SNX5: variants seen among roughly 807,000 people sequenced by gnomAD.
The protein encoded by SNX5 is sorting nexin-5.
In SNX5, 31 loss-of-function variants were observed where a neutral mutation model predicts 53.9. That is an observed-to-expected ratio of 0.58 (90% CI 0.43 to 0.78). The LOEUF (loss-of-function observed/expected upper bound fraction) is 0.78, where lower values mean the gene tolerates loss of function less well. SNX5 is among the 30% of genes least tolerant of loss of function. The pLI is 0.00. For missense variants in SNX5, 471 were observed against 478.8 expected (o/e 0.98, Z 0.15); for synonymous variants, 168 against 171.1 (o/e 0.98, Z 0.14).
chr20:17,947,678 G>A lies in SNX5; in HGVS notation c.919-33C>T, dbSNP rs780997976. 1.9e-6 allele frequency: 3 copies of A among 1,588,288 alleles called. No homozygotes were observed. The South Asian group carries it at 3.4e-5, about 18-fold the overall frequency. On this transcript the variant is annotated intron_variant, in intron 10 of 12. Coordinates refer to ENST00000377759, the MANE Select transcript of SNX5 (RefSeq NM_014426.4). ...AAAAATTAACAGGTATACATACTAAGTATCTAAACCAGTCTAAAAAATAGC... is the reference window on the plus strand; with the variant it reads ...AAAAATTAACAGGTATACATACTAAATATCTAAACCAGTCTAAAAAATAGC...
chr20:17,943,006 C>A, intron 12 of SNX5, 104 bp downstream of exon 12: 1 of 770,186 alleles, frequency 1.3e-6, no homozygotes, highest in East Asian at 2.5e-5. Flanking sequence ...ACGATTAATA[C>A]CACAAGGCCA....
In SNX5 at chr20:17,953,266, G is replaced by A. The variant is rs146171406; in HGVS notation, c.390-556C>T. 1.5e-3 allele frequency among the ~76,000 whole-genome samples: 236 copies of A among 152,308 alleles called. 1 individual carries two copies. The highest frequency in any genetic ancestry group is 5.3e-3 in the African/African-American group (219 of 41,580). The stretch of plus-strand genomic sequence containing the variant: ...GAGTGCTGCCCTAGATGACACAGGG[G>A]TTTGGAGAGGGGGAGCTGATGGTTG... On this transcript the variant is annotated intron_variant, in intron 4 of 12. Transcript: ENST00000377759.
rs1198898657 is a variant in SNX5 at position 17,947,650 on chromosome 20, GA to G, written c.919-6del. 1.1e-5 allele frequency: 17 copies of G among 1,603,176 alleles called. No individual in the cohort carries two copies. The highest frequency in any genetic ancestry group is 2.2e-5 in the East Asian group (1 of 44,736). On this transcript the variant is annotated splice_polypyrimidine_tract_variant and splice_region_variant and intron_variant, in intron 10 of 12. Transcript: ENST00000377759. Reference sequence around the variant, plus strand: ...GGTGCGTCTGTATAAGAGATCCTGGGAAAAAAATTAACAGGTATACATACTA... The same window carrying G: ...GGTGCGTCTGTATAAGAGATCCTGGGAAAAAATTAACAGGTATACATACTA...
At chr20:17,943,253 C>T (rs1184803121) in intron 11 of SNX5, 58 bp from the exon 12 acceptor site, 3 of 1,080,830 alleles carry the variant, frequency 2.8e-6, no homozygotes, top group African/African-American at 3.1e-5. Context: ...TTCATGTTCA[C>T]TTTAACTACC....
chr20:17,945,691 C>T (rs1215068735), intron 11 of SNX5, among the ~76,000 whole-genome samples: 1 of 151,820 alleles, frequency 6.6e-6, no homozygotes, highest in Non-Finnish European at 1.5e-5. Flanking sequence ...GAACCCAACA[C>T]AGCCTCAGAG....
In SNX5 at chr20:17,952,714, A is replaced by C; in HGVS notation, c.390-4T>G. 1 of 1,611,072 alleles carries C rather than the reference A, an allele frequency of 6.2e-7. No homozygotes were observed. ...CTTAAACACAGCGAGATACTCACTG[A>C]AAAGAGATGTGCACATGGCATTCAG... On this transcript the variant is annotated splice_region_variant and splice_polypyrimidine_tract_variant and intron_variant, in intron 4 of 12. Coordinates refer to ENST00000377759, the MANE Select transcript of SNX5 (RefSeq NM_014426.4).
intron 1 of SNX5, chr20:17,962,732 T>C (rs762245526): frequency 1.7e-5 from 9 of 519,060 alleles, no homozygotes; most frequent in East Asian, 5.5e-5. Flanking sequence ...TCACCACTCA[T>C]CTTTGTGAGA....
chr20:17,942,853 T>G lies in SNX5; in HGVS notation c.1164+257A>C, dbSNP rs200134008. On this transcript the variant is annotated intron_variant, in intron 12 of 12. Transcript: ENST00000377759. ...CAGGTGGATCACCTGAGGTCAGGGG[T>G]TCAAGTCCAGCCTGGCCAAAATGGT... 2,385 of 397,508 alleles carry G rather than the reference T, an allele frequency of 6.0e-3. 29 individuals are homozygous for G. Among genetic ancestry groups the G allele is most frequent in the South Asian group, 0.016 (430 of 27,208 alleles). 24.6% of individuals were successfully genotyped at this position (397,508 alleles called of 1,614,324 possible). A position where few individuals can be genotyped will look rare whatever the true frequency, so the allele number is the denominator to read the frequency against.
At chr20:17,951,995 G>A (rs575488750) in intron 5 of SNX5, among the ~76,000 whole-genome samples, 27 of 152,322 alleles carry the variant, frequency 1.8e-4, no homozygotes, top group Admixed American at 1.0e-3. Flanking sequence ...AGGCCAAGGC[G>A]GGCGGATCAC....
intron 8 of SNX5, among the ~76,000 whole-genome samples, chr20:17,949,908 AC>A (rs2122362306): frequency 6.6e-6 from 1 of 152,360 alleles, no homozygotes; most frequent in African/African-American, 2.4e-5. Context: ...TGCTTTGACA[AC>A]ATTTACTGTA....
chr20:17,950,011 G>A (rs769580396), intron 8 of SNX5, 121 bp downstream of exon 8: 14 of 775,914 alleles, frequency 1.8e-5, no homozygotes, highest in African/African-American at 3.5e-5. Flanking sequence ...CTAGAGACTT[G>A]TCTTACTGAG....
At chr20:17,949,025 T>C (rs758569355) in intron 9 of SNX5, 39 bp downstream of exon 9, 3 of 1,608,354 alleles carry the variant, frequency 1.9e-6, no homozygotes, top group African/African-American at 1.3e-5. Flanking sequence ...CTATAGATTA[T>C]AAAATATATA....
At chr20:17,945,695 C>T (rs1291170945) in intron 11 of SNX5, among the ~76,000 whole-genome samples, 4 of 152,018 alleles carry the variant, frequency 2.6e-5, no homozygotes, top group Non-Finnish European at 4.4e-5. Context: ...CCAACACAGC[C>T]TCAGAGCCTG....
chr20:17,967,235 CA>C (rs2035556620), intron 1 of SNX5, among the ~76,000 whole-genome samples: 1 of 151,280 alleles, frequency 6.6e-6, no homozygotes, highest in Non-Finnish European at 1.5e-5. Flanking sequence ...AAAATGCTAC[CA>C]AAATCCCAAT....
In SNX5 at chr20:17,957,028, CA is replaced by C; in HGVS notation, c.60del (p.Val21TyrfsTer5). 1 of 1,581,948 alleles carries C rather than the reference CA, an allele frequency of 6.3e-7. No homozygotes were observed. The highest frequency in any genetic ancestry group is 1.7e-5 in the Admixed American group (1 of 59,972). Reference sequence around the variant, plus strand: ...GGATCAACATTCAGGTCCACAGATACAGATCTCAGCTGAAATACATTTTTTG... The same window carrying C: ...GGATCAACATTCAGGTCCACAGATACGATCTCAGCTGAAATACATTTTTTG... ...QQEEDRSKLR[S>X]VSVDLNVDPS... On this transcript the variant is annotated frameshift_variant, in exon 2 of 13. Coordinates refer to ENST00000377759, the MANE Select transcript of SNX5 (RefSeq NM_014426.4). LOFTEE classifies it high-confidence loss of function.
intron 1 of SNX5, among the ~76,000 whole-genome samples, chr20:17,963,290 G>A (rs930284687): frequency 6.6e-6 from 1 of 151,956 alleles, no homozygotes; most frequent in African/African-American, 2.4e-5. Context: ...GACAAGCCTG[G>A]GCAACACAGC....
At chr20:17,957,307 C>A in intron 1 of SNX5, among the ~76,000 whole-genome samples, 1 of 151,728 alleles carries the variant, frequency 6.6e-6, no homozygotes, top group East Asian at 1.9e-4. Context: ...TGGTGGCGGG[C>A]ACCTGTAGTC....
chr20:17,949,702 C>T (rs925269789), intron 8 of SNX5, among the ~76,000 whole-genome samples: 1 of 151,966 alleles, frequency 6.6e-6, no homozygotes, highest in Non-Finnish European at 1.5e-5. Flanking sequence ...CCACTATAAC[C>T]AAATCTCTTC....
intron 1 of SNX5, chr20:17,962,113 C>T (rs1037115778): frequency 1.5e-5 from 6 of 391,880 alleles, no homozygotes; most frequent in Admixed American, 6.4e-5. Flanking sequence ...ACGTACCTAT[C>T]TGTGTTCAAT....
Sources: gnomAD v4.1 joint callset for allele counts (sites outside exome capture counted in the v4.1 genomes callset) on GRCh38, gnomAD v4.1.1 for gene constraint, MANE v1.5 for transcripts, NCBI Gene and HGNC (gene_info 2026-07-23, HGNC 2026-07-21) for gene names.